NAF1: variants seen among roughly 807,000 people sequenced by gnomAD.
NAF1 encodes the protein nuclear assembly factor 1 ribonucleoprotein, also known as H/ACA ribonucleoprotein complex non-core subunit NAF1.
NAF1 carries 11 observed loss-of-function variants against 40.6 expected under a neutral mutation model. The observed-to-expected ratio is 0.27, with a 90% CI of 0.17 to 0.45. The LOEUF is 0.45. Among genes scored for constraint, NAF1 ranks in the 20% least tolerant of loss-of-function variants. NAF1 has a pLI of 1.00. For synonymous variants in NAF1, 260 were observed against 228.5 expected (o/e 1.14, Z -1.24); for missense variants, 607 against 611.1 (o/e 0.99, Z 0.07).
chr4:163,109,186 A>T (rs1269149716), downstream of NAF1, among the ~76,000 whole-genome samples: 3 of 148,496 alleles, frequency 2.0e-5, no homozygotes, highest in Non-Finnish European at 4.4e-5. Context: ...TCACATGGAA[A>T]CTTAATCTTG....
chr4:163,128,372 C>G (rs1730730678), downstream of NAF1, among the ~76,000 whole-genome samples: 1 of 152,042 alleles, frequency 6.6e-6, no homozygotes, highest in African/African-American at 2.4e-5. Context: ...GAGCTTCTAC[C>G]AATATATAAG....
downstream of NAF1, among the ~76,000 whole-genome samples, chr4:163,124,151 T>A (rs538633660): frequency 6.6e-6 from 1 of 152,318 alleles, no homozygotes; most frequent in African/African-American, 2.4e-5. Flanking sequence ...AGGCCAGGTG[T>A]CCGAGGGCAG....
rs542240319 is a variant in NAF1 at position 163,145,226 on chromosome 4, A to C, written c.717+556T>G. Among the ~76,000 whole-genome samples the C allele has an allele frequency of 3.3e-5, 5 of 152,330 alleles. No homozygotes were observed. In the East Asian group the frequency reaches 9.6e-4, roughly 29 times the overall value. On this transcript the variant is annotated intron_variant, in intron 4 of 7. Transcript: ENST00000274054. ...GGGTTGTTCCATTAGAAAGATGTTA[A>C]AAGGGACCAAATCTTATAGTAATTA...
chr4:163,159,830 A>G (rs971803746), intron 2 of NAF1, among the ~76,000 whole-genome samples: 5 of 152,184 alleles, frequency 3.3e-5, no homozygotes, highest in Admixed American at 2.6e-4. Flanking sequence ...TATTATCCCT[A>G]CTGAAGTATT....
At chr4:163,112,443 G>GGA (rs1384117971) in intron 2 of NAF1, among the ~76,000 whole-genome samples, 1 of 152,116 alleles carries the variant, frequency 6.6e-6, no homozygotes, top group Non-Finnish European at 1.5e-5. Flanking sequence ...CTTAGGGAAG[G>GGA]GAGAGAGAGG....
At chr4:163,136,543 A>C in intron 6 of NAF1, among the ~76,000 whole-genome samples, 1 of 151,804 alleles carries the variant, frequency 6.6e-6, no homozygotes, top group East Asian at 1.9e-4. Flanking sequence ...TAATCTGCTT[A>C]AACACTTTCA....
In NAF1 at chr4:163,144,809, G is replaced by C. The variant is rs114521415; in HGVS notation, c.717+973C>G. On this transcript the variant is annotated intron_variant, in intron 4 of 7. Transcript: ENST00000274054. ...AATATTAATATTAGTCACATTTACA[G>C]GTCTAGAAATTCAAATGTAGTGGGA... 7.4e-3 allele frequency among the ~76,000 whole-genome samples: 1,119 copies of C among 152,168 alleles called. 4 individuals carry two copies. Among genetic ancestry groups the C allele is most frequent in the Non-Finnish European group, 0.011 (724 of 68,004 alleles).
chr4:163,137,164 T>C, intron 6 of NAF1, 35 bp downstream of exon 6: 1 of 1,610,192 alleles, frequency 6.2e-7, no homozygotes, highest in Non-Finnish European at 8.5e-7. Context: ...CCTGCCCTAC[T>C]TTATAAAATG....
rs1314732384 is a variant in NAF1 at position 163,129,121 on chromosome 4, G to C, written c.1261C>G (p.Gln421Glu). 1 of 1,613,420 alleles carries C rather than the reference G, an allele frequency of 6.2e-7. No individual in the cohort carries two copies. The highest frequency in any genetic ancestry group is 8.5e-7 in the Non-Finnish European group (1 of 1,179,460). ...SQRQNNPIMP[Q>E]YPFPLPVFDM... ...AACACTGGAAGAGGAAAGGGGTATT[G>C]TGGCATAATGGGATTATTTTGTCTC... Residue 421 changes from glutamine to glutamate, a missense_variant, in exon 8 of 8, where the codon CAA becomes GAA. Physicochemically the swap from Gln to Glu is conservative, Grantham distance 29. Transcript: ENST00000274054.
chr4:163,147,827 G>C (rs570214058), intron 3 of NAF1, among the ~76,000 whole-genome samples: 23 of 152,278 alleles, frequency 1.5e-4, no homozygotes, highest in South Asian at 8.3e-4. Context: ...TGAGATAATG[G>C]AAGAAGGCTC....
chr4:163,118,218 G>A (rs918041604), intron 2 of NAF1, among the ~76,000 whole-genome samples: 3 of 152,132 alleles, frequency 2.0e-5, no homozygotes, highest in Non-Finnish European at 4.4e-5. Flanking sequence ...TCCCAGGGGT[G>A]ATGAATCAGA....
At chr4:163,131,765 AAAG>A (rs1290110906) in intron 7 of NAF1, among the ~76,000 whole-genome samples, 3 of 152,244 alleles carry the variant, frequency 2.0e-5, no homozygotes, top group African/African-American at 7.2e-5. Context: ...GGCCATCTTA[AAAG>A]AAGGAAAAGA....
intron 2 of NAF1, among the ~76,000 whole-genome samples, chr4:163,155,935 G>A (rs1182414827): frequency 2.8e-5 from 4 of 144,420 alleles, no homozygotes; most frequent in Admixed American, 6.9e-5. Context: ...AAAAATTGAA[G>A]GTAGAGGTGA....
chr4:163,117,063 G>A (rs11727420), intron 2 of NAF1, among the ~76,000 whole-genome samples: 10,267 of 152,094 alleles, frequency 0.068, 412 homozygotes, highest in Non-Finnish European at 0.09. Flanking sequence ...CTTCATACCC[G>A]TCATACCTAT....
chr4:163,115,254 G>A (rs1254354271), intron 2 of NAF1, among the ~76,000 whole-genome samples: 1 of 140,882 alleles, frequency 7.1e-6, no homozygotes, highest in East Asian at 2.1e-4. Context: ...TGTCGCCCAG[G>A]CTGGAGTGCA....
At chr4:163,106,505 C>A (rs1333217093), downstream of NAF1, among the ~76,000 whole-genome samples, 2 of 152,092 alleles carry the variant, frequency 1.3e-5, no homozygotes, top group African/African-American at 2.4e-5. Flanking sequence ...TTGGACAACA[C>A]TAGTCTAGCG....
chr4:163,146,951 AT>A (rs1010985170), intron 3 of NAF1, among the ~76,000 whole-genome samples: 5 of 152,140 alleles, frequency 3.3e-5, no homozygotes, highest in African/African-American at 1.2e-4. Flanking sequence ...GTTTACATTT[AT>A]TTTTTTGAGG....
At chr4:163,114,039 A>C (rs1730248614) in intron 2 of NAF1, among the ~76,000 whole-genome samples, 1 of 152,260 alleles carries the variant, frequency 6.6e-6, no homozygotes, top group South Asian at 2.1e-4. Context: ...GAGGTTTACC[A>C]CAGGAATTAG....
chr4:163,166,252 T>G (rs1420454264), intron 1 of NAF1, 111 bp downstream of exon 1: 1 of 1,366,158 alleles, frequency 7.3e-7, no homozygotes, highest in African/African-American at 1.5e-5. Context: ...ACCAACGACC[T>G]GCCCACCCTC....
Sources: gnomAD v4.1 joint callset for allele counts (sites outside exome capture counted in the v4.1 genomes callset) on GRCh38, gnomAD v4.1.1 for gene constraint, MANE v1.5 for transcripts, NCBI Gene and HGNC (gene_info 2026-07-23, HGNC 2026-07-21) for gene names.